CDK14: variants seen among roughly 807,000 people sequenced by gnomAD.
CDK14 encodes cyclin dependent kinase 14, also known as cyclin-dependent kinase 14.
Under a neutral mutation model 60.7 loss-of-function variants are expected in CDK14, and 34 were observed. That is an observed-to-expected ratio of 0.56 (90% CI 0.43 to 0.75). The LOEUF (loss-of-function observed/expected upper bound fraction) is 0.75. CDK14 is among the 30% of genes least tolerant of loss of function. The probability of loss-of-function intolerance (pLI) is 0.00; values close to 1 mark genes in which losing one functional copy is unlikely to be tolerated. For missense variants in CDK14, 482 were observed against 564.1 expected (o/e 0.85, Z 1.47); for synonymous variants, 197 against 203.7 (o/e 0.97, Z 0.28).
chr7:91,005,430 T>C (rs536947472), intron 10 of CDK14, among the ~76,000 whole-genome samples: 109 of 152,228 alleles, frequency 7.2e-4, no homozygotes, highest in Non-Finnish European at 1.3e-3. Context: ...CAATGGAAGA[T>C]ACCCTTGGAG....
chr7:91,098,087 A>C (rs1799048235), intron 12 of CDK14, among the ~76,000 whole-genome samples: 1 of 152,196 alleles, frequency 6.6e-6, no homozygotes, highest in South Asian at 2.1e-4. Flanking sequence ...ATGCTCAACT[A>C]TTCAGCAGTC....
chr7:90,932,594 T>C (rs1793627008), intron 8 of CDK14, among the ~76,000 whole-genome samples: 1 of 152,214 alleles, frequency 6.6e-6, no homozygotes. Context: ...TTTTGGACTC[T>C]GTGGAACATA....
At chr7:90,605,628 T>G (rs1799401824) in intron 2 of CDK14, among the ~76,000 whole-genome samples, 1 of 152,128 alleles carries the variant, frequency 6.6e-6, no homozygotes, top group South Asian at 2.1e-4. Context: ...CCTCTAATTA[T>G]GTAGATAATT....
At chr7:90,920,452 C>CT (rs1237791222) in intron 8 of CDK14, among the ~76,000 whole-genome samples, 1 of 152,072 alleles carries the variant, frequency 6.6e-6, no homozygotes. Context: ...GAAATTCTTG[C>CT]TTCATTGTCT....
chr7:90,964,806 C>T (rs774521423), intron 9 of CDK14, among the ~76,000 whole-genome samples: 6 of 152,092 alleles, frequency 3.9e-5, no homozygotes, highest in African/African-American at 7.2e-5. Flanking sequence ...ATCTATATCA[C>T]GTCTTAGAAC....
intron 7 of CDK14, among the ~76,000 whole-genome samples, chr7:90,916,040 A>G (rs1409903872): frequency 6.6e-6 from 1 of 152,160 alleles, no homozygotes; most frequent in Non-Finnish European, 1.5e-5. Flanking sequence ...TAAGTTTGTT[A>G]TGTGGTTTGC....
chr7:90,744,670 C>T (rs1178243156), intron 3 of CDK14, among the ~76,000 whole-genome samples: 13 of 141,292 alleles, frequency 9.2e-5, no homozygotes, highest in East Asian at 4.2e-4. Flanking sequence ...CCGGACGGGG[C>T]GGCTGGCCGG....
chr7:90,853,517 AACACACAAACACAC>A (rs1790717265), intron 5 of CDK14, among the ~76,000 whole-genome samples: 1 of 138,726 alleles, frequency 7.2e-6, no homozygotes, highest in Non-Finnish European at 1.6e-5. Flanking sequence ...TAAATACGTA[AACACACAAACACAC>A]ACACACACTC....
intron 14 of CDK14, among the ~76,000 whole-genome samples, chr7:91,131,606 C>G (rs1457753140): frequency 6.6e-6 from 1 of 152,152 alleles, no homozygotes; most frequent in Non-Finnish European, 1.5e-5. Context: ...GAGTCACCAA[C>G]AAAGCAGGGA....
At chr7:91,198,805 G>C (rs947499200) in intron 14 of CDK14, among the ~76,000 whole-genome samples, 3 of 152,168 alleles carry the variant, frequency 2.0e-5, no homozygotes, top group African/African-American at 7.2e-5. Context: ...ATGAAAAACT[G>C]CTGCAATACA....
intron 5 of CDK14, among the ~76,000 whole-genome samples, chr7:90,857,554 T>C (rs1320462567): frequency 6.6e-6 from 1 of 152,254 alleles, no homozygotes; most frequent in Admixed American, 6.5e-5. Context: ...CATTGCCATA[T>C]GTTTACCTAA....
intron 2 of CDK14, among the ~76,000 whole-genome samples, chr7:90,667,849 G>A (rs1584781079): frequency 6.6e-6 from 1 of 152,164 alleles, no homozygotes; most frequent in African/African-American, 2.4e-5. Flanking sequence ...GATTACAGGC[G>A]TGAGCCACCG....
intron 11 of CDK14, among the ~76,000 whole-genome samples, chr7:91,054,999 C>T (rs1046808466): frequency 6.6e-6 from 1 of 152,262 alleles, no homozygotes; most frequent in Non-Finnish European, 1.5e-5. Context: ...GGACTCATTT[C>T]AGAGCTGGAA....
chr7:90,889,102 C>T (rs1045341430), intron 6 of CDK14, among the ~76,000 whole-genome samples: 2 of 152,008 alleles, frequency 1.3e-5, no homozygotes, highest in African/African-American at 4.8e-5. Context: ...ATTTAGTTTA[C>T]AAAAAGAAAA....
intron 6 of CDK14, among the ~76,000 whole-genome samples, chr7:90,884,131 A>C (rs922598242): frequency 6.6e-6 from 1 of 152,162 alleles, no homozygotes; most frequent in Admixed American, 6.5e-5. Flanking sequence ...TCAAAGAGAG[A>C]GGAAGTCAAG....
chr7:91,075,403 C>T (rs765658200), intron 11 of CDK14, among the ~76,000 whole-genome samples: 12 of 152,072 alleles, frequency 7.9e-5, no homozygotes, highest in African/African-American at 2.7e-4. Context: ...AAACGGCCTT[C>T]GATAAAATTC....
chr7:91,006,127 C>A (rs1247807620), intron 10 of CDK14, among the ~76,000 whole-genome samples: 2 of 152,258 alleles, frequency 1.3e-5, no homozygotes, highest in Non-Finnish European at 2.9e-5. Flanking sequence ...CATCTGGGAA[C>A]TCAGCCTGCT....
chr7:91,133,871 A>G (rs1800187877), intron 14 of CDK14, among the ~76,000 whole-genome samples: 1 of 152,170 alleles, frequency 6.6e-6, no homozygotes, highest in South Asian at 2.1e-4. Flanking sequence ...TACGCAAGCT[A>G]AGCTCATTTT....
chr7:90,664,999 C>T (rs114340350), intron 2 of CDK14, among the ~76,000 whole-genome samples: 12,500 of 151,988 alleles, frequency 0.082, 679 homozygotes, highest in East Asian at 0.19. Context: ...AGCACTCATT[C>T]GGCCAGGCAA....
Sources: allele counts gnomAD v4.1 joint callset (sites outside exome capture counted in the v4.1 genomes callset), GRCh38; gene constraint gnomAD v4.1.1; transcripts MANE v1.5; gene names NCBI Gene and HGNC (gene_info 2026-07-23, HGNC 2026-07-21).